Variants in SEMA3C observed in about 807,000 individuals in gnomAD.
SEMA3C encodes semaphorin-3C.
In SEMA3C, 47 loss-of-function variants were observed where a neutral mutation model predicts 89.4. That is an observed-to-expected ratio of 0.53 (90% CI 0.42 to 0.67). SEMA3C has a LOEUF of 0.67. Among genes scored for constraint, SEMA3C ranks in the 30% least tolerant of loss-of-function variants. The pLI, the probability that SEMA3C is intolerant of heterozygous loss-of-function variation, is 0.00. For synonymous variants in SEMA3C, 310 were observed against 320.2 expected (o/e 0.97, Z 0.34); for missense variants, 839 against 929.1 (o/e 0.90, Z 1.26).
At chr7:80,854,763 T>C (rs1790595442) in intron 2 of SEMA3C, among the ~76,000 whole-genome samples, 1 of 152,228 alleles carries the variant, frequency 6.6e-6, no homozygotes, top group African/African-American at 2.4e-5. Context: ...ACTGTTCACC[T>C]AAAATATTTG....
chr7:80,813,523 A>G (rs1293591875), intron 5 of SEMA3C, among the ~76,000 whole-genome samples: 1 of 152,184 alleles, frequency 6.6e-6, no homozygotes, highest in East Asian at 1.9e-4. Flanking sequence ...CCTCACTACT[A>G]AACACACAAA....
chr7:80,810,803 T>C (rs569344728), intron 5 of SEMA3C, 102 bp from the exon 6 acceptor site: 2 of 873,628 alleles, frequency 2.3e-6, no homozygotes, highest in Non-Finnish European at 1.8e-6. Flanking sequence ...ATATGCTTTC[T>C]AGTTGGTTGC....
In SEMA3C at chr7:80,810,643, T is replaced by C. The variant is rs747008846; in HGVS notation, c.506A>G (p.Asn169Ser). The change falls in exon 6 of 18, where the codon AAC (asparagine) becomes AGC (serine). Residue 169 changes from asparagine (N) to serine (S), a missense_variant. Coordinates refer to ENST00000265361, the MANE Select transcript of SEMA3C (RefSeq NM_006379.5). ...AACAGACACCGTGTTCACGTTGGGG[T>C]TGAAAGAGCAGCGTCCTTTTCCAGA... Reference protein sequence around the residue: ...CESGKGRCSFNPNVNTVSVMI... With the variant: ...CESGKGRCSFSPNVNTVSVMI... 37 of 1,613,840 alleles carry C rather than the reference T, an allele frequency of 2.3e-5. No individual in the cohort carries two copies. The East Asian group carries it at 5.4e-4, about 23-fold the overall frequency.
rs951210787 is a variant in SEMA3C at position 80,804,489 on chromosome 7, T to C, written c.659-241A>G. On this transcript the variant is annotated intron_variant, in intron 7 of 17. Coordinates refer to ENST00000265361, the MANE Select transcript of SEMA3C (RefSeq NM_006379.5). The stretch of plus-strand genomic sequence containing the variant: ...TTGTGCACCAATGAGTTTCAAAAAA[T>C]TGAAAAACTTTTCTACCAGTTATTT... Among the ~76,000 whole-genome samples, 51 of 152,120 alleles carry C rather than the reference T, an allele frequency of 3.4e-4. 2 individuals carry two copies. The highest frequency in any genetic ancestry group is 4.4e-5 in the Non-Finnish European group (3 of 67,970).
intron 2 of SEMA3C, among the ~76,000 whole-genome samples, chr7:80,915,283 G>A (rs915723698): frequency 1.3e-5 from 2 of 152,154 alleles, no homozygotes; most frequent in Non-Finnish European, 2.9e-5. Flanking sequence ...CAACTTAACT[G>A]CATAGCTATG....
At chr7:80,828,448 A>G (rs1484804462) in intron 3 of SEMA3C, 137 bp downstream of exon 3, 15 of 663,412 alleles carry the variant, frequency 2.3e-5, no homozygotes, top group Non-Finnish European at 3.4e-5. Context: ...TGAAATAAGT[A>G]CTAACTTTCA....
intron 2 of SEMA3C, among the ~76,000 whole-genome samples, chr7:80,890,371 A>G (rs137988286): frequency 3.2e-3 from 481 of 152,294 alleles, no homozygotes; most frequent in Middle Eastern, 6.8e-3. Flanking sequence ...TTAAAACTCA[A>G]TGAAAAGACT....
intron 2 of SEMA3C, among the ~76,000 whole-genome samples, chr7:80,875,370 A>T: frequency 6.6e-6 from 1 of 152,158 alleles, no homozygotes; most frequent in Non-Finnish European, 1.5e-5. Flanking sequence ...TTAATTTTTT[A>T]GTATCAAAAC....
chr7:80,775,744 T>C (rs1434024549), intron 12 of SEMA3C, among the ~76,000 whole-genome samples: 2 of 152,120 alleles, frequency 1.3e-5, no homozygotes, highest in South Asian at 2.1e-4. Context: ...TGTGCATTAT[T>C]ATAGGGTGTG....
intron 2 of SEMA3C, among the ~76,000 whole-genome samples, chr7:80,843,501 T>C (rs1790318673): frequency 6.6e-6 from 1 of 152,160 alleles, no homozygotes; most frequent in Non-Finnish European, 1.5e-5. Flanking sequence ...CTTAAATTAT[T>C]AGTGCCTAAG....
At chr7:80,862,063 C>A (rs1360091113) in intron 2 of SEMA3C, among the ~76,000 whole-genome samples, 1 of 152,112 alleles carries the variant, frequency 6.6e-6, no homozygotes, top group African/African-American at 2.4e-5. Context: ...TACCACTCCT[C>A]TTCAACATAG....
chr7:80,794,561 A>G (rs1789017966), intron 11 of SEMA3C, among the ~76,000 whole-genome samples: 1 of 152,160 alleles, frequency 6.6e-6, no homozygotes. Flanking sequence ...ACTACTGACT[A>G]TGTGGCTCAT....
upstream of SEMA3C, chr7:80,922,236 T>G: frequency 7.8e-7 from 1 of 1,286,744 alleles, no homozygotes; most frequent in Non-Finnish European, 1.0e-6. Flanking sequence ...GTCTCAGGTT[T>G]TTCAATAAGT....
At chr7:80,818,666 T>A (rs10954358) in intron 4 of SEMA3C, among the ~76,000 whole-genome samples, 19,593 of 101,250 alleles carry the variant, frequency 0.19, 1,534 homozygotes, top group African/African-American at 0.29. Context: ...AAAATAAAAA[T>A]AAAAATCCCC....
intron 6 of SEMA3C, 87 bp from the exon 7 acceptor site, chr7:80,805,845 A>G: frequency 6.1e-6 from 5 of 815,852 alleles, no homozygotes; most frequent in Non-Finnish European, 7.6e-6. Flanking sequence ...AGATCACCAC[A>G]GGTATTACAG....
At chr7:80,757,199 G>T (rs898019929) in intron 15 of SEMA3C, among the ~76,000 whole-genome samples, 1 of 152,196 alleles carries the variant, frequency 6.6e-6, no homozygotes, top group Admixed American at 6.5e-5. Flanking sequence ...TTACTTGAAA[G>T]ATCATTGGTG....
At chr7:80,810,528 A>T (rs949928205) in intron 6 of SEMA3C, 83 bp downstream of exon 6, 12 of 1,021,064 alleles carry the variant, frequency 1.2e-5, no homozygotes, top group Non-Finnish European at 1.7e-5. Context: ...CATCCACACA[A>T]CCATCAAGAA....
intron 2 of SEMA3C, among the ~76,000 whole-genome samples, chr7:80,897,225 A>G (rs1476820287): frequency 6.6e-6 from 1 of 151,742 alleles, no homozygotes. Context: ...GTTATGAGGC[A>G]GCATGTGGAA....
intron 12 of SEMA3C, among the ~76,000 whole-genome samples, chr7:80,776,827 C>T (rs556476475): frequency 1.3e-5 from 2 of 152,262 alleles, no homozygotes; most frequent in South Asian, 4.1e-4. Context: ...GTATTGCTTA[C>T]AAGTATCTGA....
Sources: gnomAD v4.1 joint callset for allele counts (sites outside exome capture counted in the v4.1 genomes callset) on GRCh38, gnomAD v4.1.1 for gene constraint, MANE v1.5 for transcripts, NCBI Gene and HGNC (gene_info 2026-07-23, HGNC 2026-07-21) for gene names.